ABCG2: variants seen among roughly 807,000 people sequenced by gnomAD.
ABCG2 encodes the protein broad substrate specificity ATP-binding cassette transporter ABCG2.
In ABCG2, 80 loss-of-function variants were observed where a neutral mutation model predicts 73.5. The ratio of observed to expected loss-of-function variants is 1.09; its 90% confidence interval spans 0.91 to 1.31. ABCG2 has a LOEUF of 1.31. Among genes scored for constraint, ABCG2 ranks in the 50% most tolerant of loss-of-function variants. The pLI, the probability that ABCG2 is intolerant of heterozygous loss-of-function variation, is 0.00. For missense variants in ABCG2, 796 were observed against 786.2 expected, an observed-to-expected ratio of 1.01 and a Z score of -0.15; for synonymous variants, 269 against 282.4, an observed-to-expected ratio of 0.95 and a Z score of 0.48.
intron 1 of ABCG2, among the ~76,000 whole-genome samples, chr4:88,200,735 A>G (rs1729125987): frequency 2.0e-5 from 3 of 151,714 alleles, no homozygotes; most frequent in African/African-American, 2.4e-5. Context: ...GGTGGTCTCA[A>G]TCTCCTGACC....
At chr4:88,100,512 A>G (rs903897470) in intron 11 of ABCG2, among the ~76,000 whole-genome samples, 1 of 151,844 alleles carries the variant, frequency 6.6e-6, no homozygotes, top group African/African-American at 2.4e-5. Context: ...ATGTCAAAAA[A>G]AAAAAAAAAA....
chr4:88,224,458 C>G (rs1730126440), intron 1 of ABCG2, among the ~76,000 whole-genome samples: 1 of 151,834 alleles, frequency 6.6e-6, no homozygotes, highest in Non-Finnish European at 1.5e-5. Flanking sequence ...AAACAAAAAG[C>G]AGAAGATAAA....
intron 9 of ABCG2, among the ~76,000 whole-genome samples, chr4:88,109,899 G>A (rs192267458): frequency 2.6e-5 from 4 of 152,206 alleles, no homozygotes; most frequent in Admixed American, 6.5e-5. Flanking sequence ...GTCAAATAGG[G>A]CCAGCCACCT....
At position 88,114,993 on chromosome 4, in the gene ABCG2, T is replaced by C. The variant is rs1403426067; in HGVS notation, c.907A>G (p.Thr303Ala). The change falls in exon 8 of 16, where the codon ACT becomes GCT. Residue 303 changes from threonine to alanine, a missense_variant. Thr to Ala is a moderately conservative substitution (Grantham distance 58, BLOSUM62 0). Transcript: ENST00000237612. ...TCTTCTCTGTTTAATGCCACAGCAGTGGAATCTCCATTAATGATGTCCAAG... is the reference window on the plus strand; with the variant it reads ...TCTTCTCTGTTTAATGCCACAGCAGCGGAATCTCCATTAATGATGTCCAAG... ...FFLDIINGDS[T>A]AVALNREEDF... The C allele has an allele frequency of 6.2e-7, 1 of 1,612,796 alleles. No individual in the cohort carries two copies. Among genetic ancestry groups the C allele is most frequent in the East Asian group, 2.2e-5 (1 of 44,766 alleles).
chr4:88,196,025 G>C (rs548713475), intron 1 of ABCG2, among the ~76,000 whole-genome samples: 19 of 152,272 alleles, frequency 1.2e-4, no homozygotes, highest in African/African-American at 4.6e-4. Context: ...TATCTATTGG[G>C]AGACGACCTT....
intron 1 of ABCG2, among the ~76,000 whole-genome samples, chr4:88,218,630 C>T (rs2110128978): frequency 6.6e-6 from 1 of 152,262 alleles, no homozygotes; most frequent in Middle Eastern, 3.4e-3. Flanking sequence ...CCAAAGTCCA[C>T]TGTTAAGCCT....
chr4:88,176,369 A>G (rs2110096605), intron 1 of ABCG2, among the ~76,000 whole-genome samples: 1 of 151,886 alleles, frequency 6.6e-6, no homozygotes, highest in Non-Finnish European at 1.5e-5. Context: ...CTTTATAATT[A>G]ATCTTTTTAT....
rs980398905 is a variant in ABCG2, at chr4:88,168,879, T to A, written c.-19-28865A>T. On this transcript the variant is annotated intron_variant, in intron 1 of 15. Transcript: ENST00000515655. The stretch of plus-strand genomic sequence containing the variant: ...GTCACTCAGATTAAAAAAAAAAAAA[T>A]TGTATTAGCAATGCCACAGAAGCCT... Among the ~76,000 whole-genome samples the A allele has an allele frequency of 4.2e-5, 6 of 142,876 alleles. No individual in the cohort carries two copies. In the East Asian group the frequency reaches 7.9e-4, roughly 19 times the overall value. 93.7% of individuals were successfully genotyped at this position (142,876 alleles called of 152,430 possible).
intron 7 of ABCG2, among the ~76,000 whole-genome samples, 198 bp from the exon 8 acceptor site, chr4:88,115,256 C>CTCTCTCTCTCTCTCTCTATATATA (rs1309360818): frequency 1.0e-4 from 7 of 69,860 alleles, no homozygotes; most frequent in African/African-American, 3.4e-4. Flanking sequence ...CTCTCTCTCT[C>CTCTCTCTCTCTCTCTCTATATATA]TATATATATA....
chr4:88,185,363 A>C (rs781381844), intron 1 of ABCG2, among the ~76,000 whole-genome samples: 2 of 152,190 alleles, frequency 1.3e-5, no homozygotes, highest in Non-Finnish European at 2.9e-5. Context: ...AAACTCTGTC[A>C]AAACAAAACA....
chr4:88,154,356 C>G (rs1281884926), intron 1 of ABCG2, among the ~76,000 whole-genome samples: 1 of 152,150 alleles, frequency 6.6e-6, no homozygotes, highest in African/African-American at 2.4e-5. Flanking sequence ...GAGGAAACCT[C>G]TTGCATAGTG....
intron 6 of ABCG2, among the ~76,000 whole-genome samples, chr4:88,119,989 C>T (rs1723855064): frequency 6.6e-6 from 1 of 152,150 alleles, no homozygotes; most frequent in East Asian, 1.9e-4. Context: ...GAATGTCAGA[C>T]GTCTTTACAG....
At chr4:88,200,497 T>A (rs1175261941) in intron 1 of ABCG2, among the ~76,000 whole-genome samples, 2 of 151,108 alleles carry the variant, frequency 1.3e-5, no homozygotes, top group Non-Finnish European at 2.9e-5. Context: ...AGAAGAAAAT[T>A]GTTAAAGATC....
chr4:88,219,138 A>C (rs1441340351), intron 1 of ABCG2, among the ~76,000 whole-genome samples: 1 of 152,222 alleles, frequency 6.6e-6, no homozygotes, highest in Non-Finnish European at 1.5e-5. Context: ...TTGAAGTTAA[A>C]TGTTCAGTTT....
chr4:88,167,554 A>G (rs1727590270), intron 1 of ABCG2, among the ~76,000 whole-genome samples: 1 of 151,776 alleles, frequency 6.6e-6, no homozygotes, highest in African/African-American at 2.4e-5. Context: ...TGTTATTTTT[A>G]GTAGAGACGG....
At chr4:88,210,802 C>T (rs897845542) in intron 1 of ABCG2, among the ~76,000 whole-genome samples, 1 of 152,036 alleles carries the variant, frequency 6.6e-6, no homozygotes, top group African/African-American at 2.4e-5. Context: ...ACACTGGTCT[C>T]GAACTCCTAG....
chr4:88,095,064 T>A (rs1721898849), intron 14 of ABCG2, among the ~76,000 whole-genome samples: 1 of 152,244 alleles, frequency 6.6e-6, no homozygotes, highest in Non-Finnish European at 1.5e-5. Flanking sequence ...AATTCTTGGA[T>A]GTTAGAAGCT....
Position 88,131,156 on chromosome 4 carries a change from G to C in ABCG2, c.436C>G (p.Leu146Val). Residue 146 changes from leucine to valine, a missense_variant, in exon 5 of 16, where the codon CTT becomes GTT. Transcript: ENST00000237612. ...VRENLQFSAA[L>V]RLATTMTNHE... Reference sequence around the variant, plus strand: ...TTCGTCATAGTTGTTGCAAGCCGAAGAGCTGCTGAGAACTGTAAGTTTTCT... The same window carrying C: ...TTCGTCATAGTTGTTGCAAGCCGAACAGCTGCTGAGAACTGTAAGTTTTCT... The C allele has an allele frequency of 6.2e-7, 1 of 1,613,974 alleles. No individual in the cohort carries two copies. The highest frequency in any genetic ancestry group is 1.1e-5 in the South Asian group (1 of 91,074).
At chr4:88,154,574 G>A (rs1199788966) in intron 1 of ABCG2, among the ~76,000 whole-genome samples, 1 of 152,166 alleles carries the variant, frequency 6.6e-6, no homozygotes, top group Non-Finnish European at 1.5e-5. Flanking sequence ...TGGTGGAACT[G>A]CCATCAGTAA....
Sources: allele counts gnomAD v4.1 joint callset (sites outside exome capture counted in the v4.1 genomes callset), GRCh38; gene constraint gnomAD v4.1.1; transcripts MANE v1.5; gene names NCBI Gene and HGNC (gene_info 2026-07-23, HGNC 2026-07-21).